USP34: variants seen among roughly 807,000 people sequenced by gnomAD.
USP34 encodes ubiquitin carboxyl-terminal hydrolase 34.
USP34 carries 70 observed loss-of-function variants against 460.3 expected under a neutral mutation model. The observed-to-expected ratio is 0.15, with a 90% confidence interval of 0.13 to 0.19. The LOEUF is 0.19. Among genes scored for constraint, USP34 ranks in the 10% least tolerant of loss-of-function variants. USP34 has a pLI of 1.00. For missense variants in USP34, 3,985 were observed against 4,236.2 expected (o/e 0.94, Z 1.65); for synonymous variants, 1,647 against 1,405.3 (o/e 1.17, Z -3.85).
intron 2 of USP34, among the ~76,000 whole-genome samples, chr2:61,414,611 G>C (rs1456936648): frequency 5.3e-5 from 8 of 152,174 alleles, no homozygotes; most frequent in Non-Finnish European, 1.2e-4. Flanking sequence ...CAGGTTCTTG[G>C]CGCTTTGAAC....
At chr2:61,380,093 C>T in intron 7 of USP34, 76 bp downstream of exon 7, 1 of 1,321,984 alleles carries the variant, frequency 7.6e-7, no homozygotes, top group Admixed American at 2.2e-5. Context: ...TGAAGTGCTC[C>T]ATAAATAGTG....
At chr2:61,264,050 C>T (rs568262714) in intron 43 of USP34, among the ~76,000 whole-genome samples, 1 of 152,240 alleles carries the variant, frequency 6.6e-6, no homozygotes, top group African/African-American at 2.4e-5. Flanking sequence ...AAGAAAACCA[C>T]TGAAAACATG....
intron 53 of USP34, 95 bp downstream of exon 53, chr2:61,241,465 T>C: frequency 1.2e-6 from 1 of 812,320 alleles, no homozygotes; most frequent in Non-Finnish European, 1.9e-6. Flanking sequence ...GAATTGCAGA[T>C]ATCAACCTGT....
intron 10 of USP34, among the ~76,000 whole-genome samples, chr2:61,364,233 C>T: frequency 6.6e-6 from 1 of 152,154 alleles, no homozygotes; most frequent in East Asian, 1.9e-4. Context: ...ATTAGGTAGG[C>T]ATGCTTTAGT....
At chr2:61,396,877 G>T (rs1014063277) in intron 3 of USP34, among the ~76,000 whole-genome samples, 1 of 152,108 alleles carries the variant, frequency 6.6e-6, no homozygotes, top group African/African-American at 2.4e-5. Flanking sequence ...GATGATGGCT[G>T]CACAACTCTG....
intron 76 of USP34, among the ~76,000 whole-genome samples, chr2:61,192,304 G>A (rs1381190852): frequency 6.6e-6 from 1 of 152,226 alleles, no homozygotes; most frequent in East Asian, 1.9e-4. Flanking sequence ...CCAAACATTA[G>A]TACCTCCTCC....
At position 61,434,774 on chromosome 2, in the gene USP34, G is replaced by GGA. The variant is rs577317168; in HGVS notation, c.44-13942_44-13941insTC. ...TTTACTCCATAAAATTGAAAGGGGGGGGGTTCCAACAATGTGTAGAAACAA... is the reference window on the plus strand; with the variant it reads ...TTTACTCCATAAAATTGAAAGGGGGGGAGGGTTCCAACAATGTGTAGAAACAA... On this transcript the variant is annotated intron_variant, in intron 1 of 79. Transcript: ENST00000398571. Among the ~76,000 whole-genome samples, 11 of 151,698 alleles carry GGA rather than the reference G, an allele frequency of 7.3e-5. No individual in the cohort carries two copies. The East Asian group carries it at 2.1e-3, about 30-fold the overall frequency.
chr2:61,280,088 A>T (rs1034487353), intron 39 of USP34, among the ~76,000 whole-genome samples, 156 bp downstream of exon 39: 4 of 152,256 alleles, frequency 2.6e-5, no homozygotes, highest in Non-Finnish European at 4.4e-5. Context: ...AATTAGAAGA[A>T]GGTGGAAAAG....
Position 61,228,851 on chromosome 2 carries a change from T to C in USP34, c.7344A>G (p.Glu2448=). ...CCTCTTCTTCACCCATTTTTGCAAA[T>C]TCGTAAAGGAAGGCAAAATACTCTG... ...HLTEYFAFLY[E]FAKMGEEESQ... The change falls in exon 60 of 80, where the codon GAA becomes GAG. Residue 2448 remains glutamate, a synonymous_variant. Coordinates refer to ENST00000398571, the MANE Select transcript of USP34 (RefSeq NM_014709.4). 1 of 1,597,708 alleles carries C rather than the reference T, an allele frequency of 6.3e-7. No homozygotes were observed. Among genetic ancestry groups the C allele is most frequent in the Non-Finnish European group, 8.5e-7 (1 of 1,172,434 alleles).
At chr2:61,288,152 A>G (rs1180823225) in intron 34 of USP34, among the ~76,000 whole-genome samples, 1 of 152,168 alleles carries the variant, frequency 6.6e-6, no homozygotes, top group East Asian at 1.9e-4. Context: ...ATAGCAGATG[A>G]GCATAAGAGC....
chr2:61,225,273 C>T (rs1021857466), intron 62 of USP34, among the ~76,000 whole-genome samples: 1 of 151,974 alleles, frequency 6.6e-6, no homozygotes, highest in Non-Finnish European at 1.5e-5. Flanking sequence ...TTAACAGTTA[C>T]TTATTTGTTT....
At chr2:61,218,037 A>G (rs1047179529) in intron 67 of USP34, among the ~76,000 whole-genome samples, 1 of 152,082 alleles carries the variant, frequency 6.6e-6, no homozygotes, top group Admixed American at 6.5e-5. Flanking sequence ...AAGATCTGTT[A>G]AACTGCCTTT....
intron 1 of USP34, among the ~76,000 whole-genome samples, chr2:61,428,090 G>A (rs887121565): frequency 1.3e-5 from 2 of 151,616 alleles, no homozygotes; most frequent in Non-Finnish European, 2.9e-5. Flanking sequence ...GCTTGAACCC[G>A]GGAGGCAGGG....
At chr2:61,329,484 A>C (rs1249310291) in intron 20 of USP34, among the ~76,000 whole-genome samples, 1 of 152,208 alleles carries the variant, frequency 6.6e-6, no homozygotes, top group Non-Finnish European at 1.5e-5. Context: ...TATAGAGGGA[A>C]CTTTGTAAGC....
In USP34 at chr2:61,402,266, C is replaced by G. The variant is rs1426070126; in HGVS notation, c.552+3442G>C. On this transcript the variant is annotated intron_variant, in intron 3 of 79. Transcript: ENST00000398571. Reference sequence around the variant, plus strand: ...CCGCACTCCAGCCTGGGAGACAGAGCAAGACCCTGTCTCTTAAGGGGAAAA... The same window carrying G: ...CCGCACTCCAGCCTGGGAGACAGAGGAAGACCCTGTCTCTTAAGGGGAAAA... 2.0e-5 allele frequency among the ~76,000 whole-genome samples: 3 copies of G among 151,990 alleles called. No homozygotes were observed. In the East Asian group the frequency reaches 5.8e-4, roughly 29 times the overall value.
chr2:61,432,580 G>A (rs571141087), intron 1 of USP34, among the ~76,000 whole-genome samples: 1 of 150,184 alleles, frequency 6.7e-6, no homozygotes, highest in South Asian at 2.1e-4. Context: ...AGAGTTCTAG[G>A]CCAGCCTGGG....
At chr2:61,280,134 T>C in intron 39 of USP34, 110 bp downstream of exon 39, 2 of 580,028 alleles carry the variant, frequency 3.4e-6, no homozygotes, top group Non-Finnish European at 5.5e-6. Flanking sequence ...CACCACCAAG[T>C]TATAGATTAA....
At chr2:61,293,628 A>C in intron 32 of USP34, 78 bp from the exon 33 acceptor site, 1 of 977,238 alleles carries the variant, frequency 1.0e-6, no homozygotes, top group Non-Finnish European at 1.6e-6. Context: ...CAGTAACTGG[A>C]TATGTAAAAT....
intron 70 of USP34, chr2:61,207,447 C>T (rs1371297504): frequency 6.6e-6 from 1 of 152,540 alleles, no homozygotes; most frequent in East Asian, 1.9e-4. Context: ...TTTGAATCCT[C>T]TTCCACCAGT....
Sources: gnomAD v4.1 joint callset for allele counts (sites outside exome capture counted in the v4.1 genomes callset) on GRCh38, gnomAD v4.1.1 for gene constraint, MANE v1.5 for transcripts, NCBI Gene and HGNC (gene_info 2026-07-23, HGNC 2026-07-21) for gene names.